ZNF862: variants seen among roughly 807,000 people sequenced by gnomAD.
ZNF862 encodes zinc finger protein 862.
In ZNF862, 64 loss-of-function variants were observed where a neutral mutation model predicts 91.1. The ratio of observed to expected loss-of-function variants is 0.70; its 90% CI spans 0.57 to 0.87. The LOEUF (loss-of-function observed/expected upper bound fraction) is 0.87. Among genes scored for constraint, ZNF862 ranks in the 40% least tolerant of loss-of-function variants. The pLI is 0.00. For missense variants in ZNF862, 1,459 were observed against 1,528.0 expected (o/e 0.95, Z 0.75); for synonymous variants, 631 against 618.1 (o/e 1.02, Z -0.31).
At chr7:149,853,152 G>A (rs1027281554) in intron 5 of ZNF862, among the ~76,000 whole-genome samples, 1 of 152,124 alleles carries the variant, frequency 6.6e-6, no homozygotes, top group South Asian at 2.1e-4. Context: ...GAAACTCCCG[G>A]GCCCAGGCGA....
At position 149,865,277 on chromosome 7, in the gene ZNF862, C is replaced by T. The variant is rs1369309822; in HGVS notation, c.*993C>T. 1.3e-5 allele frequency: 2 copies of T among 152,230 alleles called. No individual in the cohort carries two copies. Among genetic ancestry groups the T allele is most frequent in the African/African-American group, 4.8e-5 (2 of 41,436 alleles). The allele number at this position is 152,230 out of a possible 1,614,324, so 9.4% of individuals were successfully genotyped here. On this transcript the variant is annotated 3_prime_UTR_variant, in exon 8 of 8. Transcript: ENST00000223210. ...AGTGGGACAGGTAGGAATTTGTCTC[C>T]AAAGTCCTTGTTGTAGGAGTTGCTC...
intron 2 of ZNF862, 82 bp from the exon 3 acceptor site, chr7:149,846,069 C>A: frequency 1.0e-6 from 1 of 965,982 alleles, no homozygotes; most frequent in Non-Finnish European, 1.6e-6. Flanking sequence ...CAGACAGATA[C>A]CTCCTTCGTG....
chr7:149,838,424 C>T lies in ZNF862; in HGVS notation c.-188C>T, dbSNP rs780138066. The T allele has an allele frequency of 4.5e-5, 18 of 401,548 alleles. No homozygotes were observed. The highest frequency in any genetic ancestry group is 7.0e-5 in the Non-Finnish European group (16 of 229,904). The allele number at this position is 401,548 out of a possible 1,614,324, so 24.9% of individuals were successfully genotyped here. A position where few individuals can be genotyped will look rare whatever the true frequency, so the allele number is the denominator to read the frequency against. On this transcript the variant is annotated 5_prime_UTR_variant, in exon 1 of 8. Coordinates refer to ENST00000223210, the MANE Select transcript of ZNF862 (RefSeq NM_001099220.3). ...GTGCGACGCAAGTCTCAGCTCAGCG[C>T]GCTTATCCTGGGTCCACCGGCGCTA...
Position 149,855,965 on chromosome 7 carries a change from A to C in ZNF862, c.1118-3457A>C, listed in dbSNP as rs1802249252. On this transcript the variant is annotated intron_variant, in intron 5 of 7. Transcript: ENST00000223210. The surrounding 1 kb of genome is among the most constrained non-coding windows in gnomAD (Gnocchi z 4.1). ...TCAGGTTAAGGGAAAGGGCGCACCC[A>C]CCACTCCCCACAGTCAGAGAGGCTC... is the stretch of plus-strand genomic sequence containing the variant. 6.6e-6 allele frequency: 1 copy of C among 152,290 alleles called. No individual in the cohort carries two copies. The highest frequency in any genetic ancestry group is 1.9e-4 in the East Asian group (1 of 5,186). 9.4% of individuals were successfully genotyped at this position (152,290 alleles called of 1,614,324 possible).
intron 6 of ZNF862, 73 bp from the exon 7 acceptor site, chr7:149,860,310 G>A (rs1802416896): frequency 7.4e-7 from 1 of 1,344,566 alleles, no homozygotes; most frequent in Non-Finnish European, 1.0e-6. Context: ...ATTAAATTTG[G>A]GGGTGTCTTA....
chr7:149,847,592 G>GGTGTGT (rs10569456), intron 3 of ZNF862, 143 bp from the exon 4 acceptor site: 38 of 533,122 alleles, frequency 7.1e-5, no homozygotes, highest in African/African-American at 1.2e-4. Flanking sequence ...AGAAAATTCA[G>GGTGTGT]GTGTGTGTGT....
chr7:149,854,634 AG>A (rs1802194130), intron 5 of ZNF862, among the ~76,000 whole-genome samples: 1 of 152,164 alleles, frequency 6.6e-6, no homozygotes, highest in African/African-American at 2.4e-5. Context: ...GCCCAAACCA[AG>A]GGGCCGGCCA....
chr7:149,860,738 G>A lies in ZNF862; in HGVS notation c.1578G>A (p.Arg526=), dbSNP rs1356954192. ...LKYHEVSKAH[R]LCVNTVEIKE... is the part of the protein sequence containing the mutation. ...ACCATGAAGTCAGCAAAGCGCACAG[G>A]CTCTGTGTCAACACGGTTGAAATCA... Residue 526 remains arginine (R), a synonymous_variant, in exon 7 of 8, where the codon AGG becomes AGA. Transcript: ENST00000223210. The A allele has an allele frequency of 1.9e-6, 3 of 1,613,772 alleles. No individual in the cohort carries two copies. In the African/African-American group the frequency reaches 4.0e-5, roughly 22 times the overall value.
chr7:149,854,989 TA>T (rs769626740), intron 5 of ZNF862, among the ~76,000 whole-genome samples: 5 of 151,966 alleles, frequency 3.3e-5, no homozygotes, highest in African/African-American at 7.3e-5. Flanking sequence ...CCTCAAGGGG[TA>T]AAGGTTAGGC....
Position 149,852,372 on chromosome 7 carries a change from T to TGTGTGA in ZNF862, c.1117+2035_1117+2036insTGTGAG, listed in dbSNP as rs397724269. 4.4e-4 allele frequency among the ~76,000 whole-genome samples: 63 copies of TGTGTGA among 143,830 alleles called. 1 individual carries two copies. In the East Asian group the frequency reaches 5.6e-3, roughly 13 times the overall value. The allele number at this position is 143,830 out of a possible 152,430, so 94.4% of individuals were successfully genotyped here. On this transcript the variant is annotated intron_variant, in intron 5 of 7. Coordinates refer to ENST00000223210, the MANE Select transcript of ZNF862 (RefSeq NM_001099220.3). ...GTGTGTGTGTGTGTGTGTGTGTGTG[T>TGTGTGA]GAGAGAGAGAGAGAGAGACAGGCTG... is the stretch of plus-strand genomic sequence containing the variant.
chr7:149,854,688 G>C (rs7809988), intron 5 of ZNF862, among the ~76,000 whole-genome samples: 20,409 of 152,162 alleles, frequency 0.13, 1,474 homozygotes, highest in East Asian at 0.26. Context: ...TTATGCTGTT[G>C]CCAGAATCTA....
chr7:149,838,783 T>C, intron 1 of ZNF862, 148 bp downstream of exon 1: 1 of 501,210 alleles, frequency 2.0e-6, no homozygotes, highest in Non-Finnish European at 3.1e-6. Context: ...CTTCCCGCAC[T>C]TCGGCGCCCG....
In ZNF862 at chr7:149,861,923, G is replaced by A. The variant is rs1802521542; in HGVS notation, c.2763G>A (p.Arg921=). The change falls in exon 7 of 8, where the codon AGG becomes AGA. Residue 921 remains arginine (R), a synonymous_variant. Coordinates refer to ENST00000223210, the MANE Select transcript of ZNF862 (RefSeq NM_001099220.3). This position sits in a 1 kb window ranked among gnomAD's most constrained non-coding sequence, Gnocchi z 6.7. The part of the protein sequence containing the change: ...EVAEQRFQAD[R]ERTVLTGIEY... ...CGGAACAGCGGTTCCAGGCGGATAGGGAGAGGACAGTCCTGACGGGGATTG... is the reference window on the plus strand; with the variant it reads ...CGGAACAGCGGTTCCAGGCGGATAGAGAGAGGACAGTCCTGACGGGGATTG... The A allele has an allele frequency of 6.2e-7, 1 of 1,613,780 alleles. No homozygotes were observed. The highest frequency in any genetic ancestry group is 8.5e-7 in the Non-Finnish European group (1 of 1,179,888).
At position 149,861,299 on chromosome 7, in the gene ZNF862, G is replaced by A; in HGVS notation, c.2139G>A (p.Gln713=). The A allele has an allele frequency of 1.2e-6, 2 of 1,612,762 alleles. No homozygotes were observed. The highest frequency in any genetic ancestry group is 1.7e-6 in the Non-Finnish European group (2 of 1,179,806). ...SCRGGLVEKF[Q]EVIPQLLPVH... is the part of the protein sequence containing the mutation. ...GAGGAGGCCTTGTGGAAAAGTTCCA[G>A]GAGGTCATCCCGCAGCTGCTGCCTG... Residue 713 remains glutamine, a synonymous_variant, in exon 7 of 8, where the codon CAG becomes CAA. Coordinates refer to ENST00000223210, the MANE Select transcript of ZNF862 (RefSeq NM_001099220.3). This position sits in a 1 kb window ranked among gnomAD's most constrained non-coding sequence, Gnocchi z 6.7.
In ZNF862 at chr7:149,859,467, G is replaced by C; in HGVS notation, c.1163G>C (p.Arg388Thr). The C allele has an allele frequency of 1.3e-6, 2 of 1,589,202 alleles. No homozygotes were observed. The highest frequency in any genetic ancestry group is 1.2e-5 in the South Asian group (1 of 86,808). The change falls in exon 6 of 8, where the codon AGG becomes ACG. Residue 388 changes from arginine (R) to threonine (T), a missense_variant. Transcript: ENST00000223210. ...KPDLISKLER[R>T]AAPWIKDPNG... ...GACTTGATCTCCAAACTGGAGCGGA[G>C]GGCTGCACCCTGGATCAAGGACCCA...
chr7:149,844,833 C>G (rs1801817569), intron 2 of ZNF862, 97 bp downstream of exon 2: 2 of 817,192 alleles, frequency 2.4e-6, no homozygotes, highest in Non-Finnish European at 4.0e-6. Context: ...TTCTGGAATC[C>G]AAGCATTTGT....
Position 149,838,436 on chromosome 7 carries a change from G to C in ZNF862, c.-176G>C, listed in dbSNP as rs1801592076. ...TCTCAGCTCAGCGCGCTTATCCTGG[G>C]TCCACCGGCGCTACCGCCCCCCGAC... On this transcript the variant is annotated 5_prime_UTR_variant, in exon 1 of 8. Transcript: ENST00000223210. The C allele has an allele frequency of 9.8e-6, 4 of 408,576 alleles. No homozygotes were observed. Among genetic ancestry groups the C allele is most frequent in the Non-Finnish European group, 1.7e-5 (4 of 236,074 alleles). The allele number at this position is 408,576 out of a possible 1,614,324, so 25.3% of individuals were successfully genotyped here.
chr7:149,853,292 TGAG>T (rs1413725696), intron 5 of ZNF862, among the ~76,000 whole-genome samples: 1 of 152,200 alleles, frequency 6.6e-6, no homozygotes, highest in Non-Finnish European at 1.5e-5. Context: ...CCTGGAAGGA[TGAG>T]GAGTCCTTTG....
At chr7:149,857,372 C>G (rs1802297164) in intron 5 of ZNF862, among the ~76,000 whole-genome samples, 2 of 152,094 alleles carry the variant, frequency 1.3e-5, no homozygotes, top group Admixed American at 6.5e-5. Flanking sequence ...ATTTTATTTT[C>G]TAACAATGCT....
Sources: gnomAD v4.1 joint callset for allele counts (sites outside exome capture counted in the v4.1 genomes callset) on GRCh38, gnomAD v4.1.1 for gene constraint, Gnocchi (gnomAD v3.1) non-coding constraint, MANE v1.5 for transcripts, NCBI Gene and HGNC (gene_info 2026-07-23, HGNC 2026-07-21) for gene names.